The following XNDC1N variants were observed in gnomAD, a reference collection of about 807,000 sequenced individuals.
The protein encoded by XNDC1N is protein XNDC1N.
At chr11:71,866,383 A>T in the XNDC1N span, among the ~76,000 whole-genome samples, 1 of 152,192 alleles carries the variant, frequency 6.6e-6, no homozygotes, top group African/African-American at 2.4e-5. Flanking sequence ...GGCCATGTTT[A>T]CTGTATACAA....
chr11:71,917,719 T>C, the XNDC1N span: 2 of 703,002 alleles, frequency 2.8e-6, no homozygotes, highest in African/African-American at 1.7e-5. Flanking sequence ...GAAAGGTCTG[T>C]CCAGGGGCCA....
At chr11:71,887,390 T>A in the XNDC1N span, among the ~76,000 whole-genome samples, 1 of 152,082 alleles carries the variant, frequency 6.6e-6, no homozygotes, top group Non-Finnish European at 1.5e-5. Flanking sequence ...ACTATCTCTT[T>A]GACAGAGCAC....
the XNDC1N span, among the ~76,000 whole-genome samples, chr11:71,906,245 G>A: frequency 6.6e-6 from 1 of 151,292 alleles, no homozygotes; most frequent in African/African-American, 2.4e-5. Flanking sequence ...ATGTCACAGG[G>A]TGTTATCTTC....
the XNDC1N span, among the ~76,000 whole-genome samples, chr11:71,872,653 G>T: frequency 6.6e-6 from 1 of 152,076 alleles, no homozygotes; most frequent in Non-Finnish European, 1.5e-5. Context: ...GCGTGAACCT[G>T]GGAGGTGGAG....
the XNDC1N span, among the ~76,000 whole-genome samples, chr11:71,911,266 CTT>C: frequency 1.3e-5 from 2 of 152,248 alleles, no homozygotes; most frequent in African/African-American, 2.4e-5. Context: ...AAGTACCAGA[CTT>C]TGCTCTGTGA....
chr11:71,878,342 GA>G, the XNDC1N span: 1 of 1,147,126 alleles, frequency 8.7e-7, no homozygotes, highest in South Asian at 1.4e-5. Context: ...TATTGCTCCT[GA>G]AAGGTTCAAT....
chr11:71,918,763 G>C, the XNDC1N span: 18 of 624,886 alleles, frequency 2.9e-5, no homozygotes, highest in African/African-American at 2.9e-4. Context: ...TTGACACCCA[G>C]GTAAAACTTA....
chr11:71,895,616 C>A, the XNDC1N span, among the ~76,000 whole-genome samples: 1 of 152,162 alleles, frequency 6.6e-6, no homozygotes, highest in Non-Finnish European at 1.5e-5. Context: ...CATGCGCGAC[C>A]GCGCCCAGCC....
the XNDC1N span, among the ~76,000 whole-genome samples, chr11:71,891,143 T>C: frequency 6.6e-6 from 1 of 151,974 alleles, no homozygotes; most frequent in Non-Finnish European, 1.5e-5. Flanking sequence ...GTGTACACCC[T>C]CTGCGATATT....
chr11:71,898,049 TG>T, the XNDC1N span, among the ~76,000 whole-genome samples: 1 of 152,040 alleles, frequency 6.6e-6, no homozygotes, highest in Non-Finnish European at 1.5e-5. Flanking sequence ...ACGAGCGTGG[TG>T]GCGTGTGCCT....
At chr11:71,896,184 C>G in the XNDC1N span, among the ~76,000 whole-genome samples, 1 of 152,178 alleles carries the variant, frequency 6.6e-6, no homozygotes, top group African/African-American at 2.4e-5. Context: ...AGGGCTGAGG[C>G]CCAAGAAGCG....
the XNDC1N span, among the ~76,000 whole-genome samples, chr11:71,867,945 C>G: frequency 6.6e-6 from 1 of 152,170 alleles, no homozygotes; most frequent in African/African-American, 2.4e-5. Flanking sequence ...TCCCTAATAA[C>G]CTGTTTTATG....
chr11:71,884,379 T>C, the XNDC1N span: 66 of 1,551,506 alleles, frequency 4.3e-5, 1 homozygote, highest in South Asian at 7.9e-4. Context: ...TAATATTGTG[T>C]CATATAATTT....
At chr11:71,871,333 C>G in the XNDC1N span, among the ~76,000 whole-genome samples, 1 of 152,098 alleles carries the variant, frequency 6.6e-6, no homozygotes, top group African/African-American at 2.4e-5. Context: ...CAATCAAACT[C>G]AAATAAGCAG....
the XNDC1N span, chr11:71,918,962 CA>C: frequency 1.4e-5 from 10 of 702,894 alleles, no homozygotes; most frequent in African/African-American, 1.7e-4. Flanking sequence ...GTCCTGAGGG[CA>C]GCCGAGCCAA....
At chr11:71,904,074 C>A in the XNDC1N span, 1 of 521,960 alleles carries the variant, frequency 1.9e-6, no homozygotes. Flanking sequence ...GCCTGAGAAA[C>A]AGGGATATGA....
chr11:71,883,789 C>T, the XNDC1N span, among the ~76,000 whole-genome samples: 5 of 152,188 alleles, frequency 3.3e-5, no homozygotes, highest in Non-Finnish European at 7.3e-5. Flanking sequence ...GTCCATATCT[C>T]AGTAACTTCC....
At chr11:71,907,268 G>C in the XNDC1N span, among the ~76,000 whole-genome samples, 1 of 152,200 alleles carries the variant, frequency 6.6e-6, no homozygotes, top group Non-Finnish European at 1.5e-5. Flanking sequence ...TGTAGCAGTA[G>C]AGAAAACATA....
At chr11:71,891,717 C>T in the XNDC1N span, among the ~76,000 whole-genome samples, 1 of 150,384 alleles carries the variant, frequency 6.6e-6, no homozygotes, top group African/African-American at 2.4e-5. Flanking sequence ...GGACATTGGG[C>T]ACAAAAACAA....
Sources: gnomAD v4.1 joint callset for allele counts (sites outside exome capture counted in the v4.1 genomes callset) on GRCh38, gnomAD v4.1.1 for gene constraint, MANE v1.5 for transcripts, NCBI Gene and HGNC (gene_info 2026-07-23, HGNC 2026-07-21) for gene names.